The following LAMA2 variants were observed in gnomAD, a reference collection of about 807,000 sequenced individuals.
LAMA2 encodes the protein laminin subunit alpha 2, also known as laminin subunit alpha-2.
LAMA2 carries 269 observed loss-of-function variants against 364.8 expected under a neutral mutation model. The observed-to-expected ratio is 0.74, with a 90% CI of 0.67 to 0.82. LAMA2 has a LOEUF of 0.82. Among genes scored for constraint, LAMA2 ranks in the 40% least tolerant of loss-of-function variants. The pLI is 0.00. For missense variants in LAMA2, 3,807 were observed against 3,873.2 expected (o/e 0.98, Z 0.45); for synonymous variants, 1,379 against 1,370.6 (o/e 1.01, Z -0.14).
At chr6:129,280,771 C>T (rs1412444663) in intron 18 of LAMA2, among the ~76,000 whole-genome samples, 1 of 152,128 alleles carries the variant, frequency 6.6e-6, no homozygotes, top group East Asian at 1.9e-4. Flanking sequence ...TCTATATATT[C>T]AGCCTCAGCA....
chr6:129,042,420 C>A (rs1287461703), intron 1 of LAMA2, among the ~76,000 whole-genome samples: 2 of 152,006 alleles, frequency 1.3e-5, no homozygotes, highest in Admixed American at 6.6e-5. Flanking sequence ...TCCATTTTAT[C>A]TTTTAATATA....
intron 20 of LAMA2, among the ~76,000 whole-genome samples, chr6:129,295,752 A>G (rs953634159): frequency 4.6e-5 from 7 of 151,470 alleles, no homozygotes; most frequent in Non-Finnish European, 1.0e-4. Flanking sequence ...TCAATATGAG[A>G]GTGTGGATAT....
chr6:129,486,701 C>A, intron 56 of LAMA2, 79 bp downstream of exon 56: 1 of 1,303,902 alleles, frequency 7.7e-7, no homozygotes, highest in Non-Finnish European at 1.1e-6. Context: ...TCAGTATCTG[C>A]CTGAACCTCT....
chr6:129,123,846 T>A (rs768115592), intron 4 of LAMA2, among the ~76,000 whole-genome samples: 5 of 152,182 alleles, frequency 3.3e-5, no homozygotes, highest in Admixed American at 1.3e-4. Context: ...CATTACTGTA[T>A]CGTATGCTTG....
At chr6:129,141,010 C>A (rs1778091293) in intron 4 of LAMA2, among the ~76,000 whole-genome samples, 1 of 152,144 alleles carries the variant, frequency 6.6e-6, no homozygotes, top group Non-Finnish European at 1.5e-5. Context: ...CTTACTGATT[C>A]TTCATACGGC....
intron 12 of LAMA2, among the ~76,000 whole-genome samples, chr6:129,241,070 G>A (rs932099943): frequency 1.3e-5 from 2 of 152,138 alleles, no homozygotes; most frequent in African/African-American, 4.8e-5. Flanking sequence ...GACTGATAAA[G>A]CTAAGAACAG....
At chr6:128,959,508 G>C (rs1270449970) in intron 1 of LAMA2, among the ~76,000 whole-genome samples, 1 of 151,952 alleles carries the variant, frequency 6.6e-6, no homozygotes, top group Non-Finnish European at 1.5e-5. Flanking sequence ...TGAACCCCAG[G>C]GTCTTTACAT....
At chr6:129,435,286 A>C (rs1309901427) in intron 41 of LAMA2, among the ~76,000 whole-genome samples, 2 of 152,198 alleles carry the variant, frequency 1.3e-5, no homozygotes, top group Non-Finnish European at 2.9e-5. Flanking sequence ...CCATTTTCTT[A>C]AGTGTTGAAG....
At position 129,200,263 on chromosome 6, in the gene LAMA2, CAT is replaced by C. The variant is rs1304509016; in HGVS notation, c.1782+7414_1782+7415del. ...ACATGTGTATATATATACGTGTACA[CAT>C]ATACATGTGTATATATATACGTGTA... On this transcript the variant is annotated intron_variant, in intron 12 of 64. Transcript: ENST00000421865. Among the ~76,000 whole-genome samples the C allele has an allele frequency of 6.2e-5, 8 of 128,592 alleles. 1 individual carries two copies. Among genetic ancestry groups the C allele is most frequent in the Admixed American group, 2.9e-4 (4 of 13,800 alleles). 84.4% of individuals were successfully genotyped at this position (128,592 alleles called of 152,430 possible).
intron 51 of LAMA2, among the ~76,000 whole-genome samples, chr6:129,466,918 A>G (rs138306418): frequency 2.6e-5 from 4 of 151,994 alleles, no homozygotes; most frequent in Admixed American, 2.0e-4. Context: ...GTGTGATATC[A>G]TAAGACTTGT....
chr6:128,883,568 C>T (rs1183644996), intron 1 of LAMA2, among the ~76,000 whole-genome samples: 1 of 151,972 alleles, frequency 6.6e-6, no homozygotes, highest in Non-Finnish European at 1.5e-5. Context: ...GCAAAAGGAA[C>T]GGGGAGTGCT....
chr6:129,075,801 G>A (rs1773595873), intron 3 of LAMA2, among the ~76,000 whole-genome samples: 1 of 152,018 alleles, frequency 6.6e-6, no homozygotes, highest in Non-Finnish European at 1.5e-5. Context: ...TGAAGCATTC[G>A]AGTGGTGCCA....
chr6:129,479,201 A>C (rs957010504), intron 54 of LAMA2, among the ~76,000 whole-genome samples: 2 of 152,082 alleles, frequency 1.3e-5, no homozygotes, highest in African/African-American at 2.4e-5. Flanking sequence ...GGAACCATTG[A>C]AGTTTACACA....
At position 129,270,163 on chromosome 6, in the gene LAMA2, A is replaced by G. The variant is rs572137525; in HGVS notation, c.2323-461A>G. ...ATAGCCCCGGAGGATTTCTATGATT[A>G]GCCACAGTTCCCATTAAATCAGCAA... is the stretch of plus-strand genomic sequence containing the variant. On this transcript the variant is annotated intron_variant, in intron 16 of 64. Transcript: ENST00000421865. Among the ~76,000 whole-genome samples, 13 of 152,100 alleles carry G rather than the reference A, an allele frequency of 8.5e-5. No homozygotes were observed. The East Asian group carries it at 2.1e-3, about 25-fold the overall frequency.
chr6:128,899,718 G>T (rs1776970466), intron 1 of LAMA2, among the ~76,000 whole-genome samples: 1 of 151,760 alleles, frequency 6.6e-6, no homozygotes, highest in African/African-American at 2.4e-5. Flanking sequence ...ATATCACCTA[G>T]ATAATAGATA....
At chr6:128,961,075 G>T (rs933480576) in intron 1 of LAMA2, among the ~76,000 whole-genome samples, 1 of 151,218 alleles carries the variant, frequency 6.6e-6, no homozygotes, top group South Asian at 2.1e-4. Flanking sequence ...ATATCCTCTC[G>T]GTAGGCTATT....
chr6:128,921,165 G>T (rs1778687320), intron 1 of LAMA2, among the ~76,000 whole-genome samples: 2 of 152,066 alleles, frequency 1.3e-5, no homozygotes, highest in South Asian at 4.1e-4. Flanking sequence ...GTAAGTATTG[G>T]ACTAAGATTA....
rs113053825 is a variant in LAMA2 at position 128,929,041 on chromosome 6, A to G, written c.112+45684A>G. On this transcript the variant is annotated intron_variant, in intron 1 of 64. Transcript: ENST00000421865. ...TATATGCATTCAAGAAGCCAATGGT[A>G]TCCTCTAGCTGTGGATAGTGGCTAA... is the stretch of plus-strand genomic sequence containing the variant. 1,975 of 1,437,784 alleles carry G rather than the reference A, an allele frequency of 1.4e-3. 20 individuals carry two copies. In the African/African-American group the frequency reaches 0.024, roughly 18 times the overall value. The allele number at this position is 1,437,784 out of a possible 1,614,324, so 89.1% of individuals were successfully genotyped here. A position where few individuals can be genotyped will look rare whatever the true frequency, so the allele number is the denominator to read the frequency against.
At chr6:129,374,576 A>G (rs1778266313) in intron 34 of LAMA2, among the ~76,000 whole-genome samples, 2 of 150,660 alleles carry the variant, frequency 1.3e-5, no homozygotes, top group African/African-American at 4.9e-5. Flanking sequence ...TGGTACTGCC[A>G]ATCTTTTTTT....
Sources: gnomAD v4.1 joint callset for allele counts (sites outside exome capture counted in the v4.1 genomes callset) on GRCh38, gnomAD v4.1.1 for gene constraint, MANE v1.5 for transcripts, NCBI Gene and HGNC (gene_info 2026-07-23, HGNC 2026-07-21) for gene names.